The following EDIL3 variants were observed in gnomAD, a reference collection of about 807,000 sequenced individuals.
The protein encoded by EDIL3 is EGF-like repeat and discoidin I-like domain-containing protein 3.
Under a neutral mutation model 67.4 loss-of-function variants are expected in EDIL3, and 37 were observed. The ratio of observed to expected loss-of-function variants is 0.55; its 90% CI spans 0.42 to 0.72. EDIL3 has a LOEUF of 0.72. Among genes scored for constraint, EDIL3 ranks in the 30% least tolerant of loss-of-function variants. The probability of loss-of-function intolerance (pLI) is 0.00; values close to 1 mark genes in which losing one functional copy is unlikely to be tolerated. For synonymous variants in EDIL3, 195 were observed against 196.3 expected, an observed-to-expected ratio of 0.99 and a Z score of 0.05; for missense variants, 527 against 586.3, an observed-to-expected ratio of 0.90 and a Z score of 1.04.
chr5:84,182,269 A>T (rs897231955), intron 3 of EDIL3, among the ~76,000 whole-genome samples: 1 of 101,206 alleles, frequency 9.9e-6, no homozygotes, highest in Non-Finnish European at 2.3e-5. Context: ...TCTACAAAAA[A>T]TACACACACA....
intron 6 of EDIL3, among the ~76,000 whole-genome samples, chr5:84,096,685 G>C (rs1406965209): frequency 6.6e-6 from 1 of 152,162 alleles, no homozygotes. Flanking sequence ...CTGGGGGACT[G>C]TTGGGAAGGC....
intron 9 of EDIL3, among the ~76,000 whole-genome samples, chr5:84,030,048 C>A (rs4546359): frequency 0.37 from 56,502 of 151,094 alleles, 11,789 homozygotes; most frequent in African/African-American, 0.58. Flanking sequence ...TCATATATCT[C>A]TAAAGGTCAT....
chr5:84,022,762 G>C (rs1221846821), intron 9 of EDIL3, among the ~76,000 whole-genome samples: 1 of 151,896 alleles, frequency 6.6e-6, no homozygotes, highest in East Asian at 1.9e-4. Context: ...GAAGGTGTGA[G>C]GCTAGGAGAA....
intron 1 of EDIL3, among the ~76,000 whole-genome samples, chr5:84,311,188 T>C (rs1357498365): frequency 2.0e-5 from 3 of 152,158 alleles, no homozygotes; most frequent in Non-Finnish European, 4.4e-5. Context: ...TTATTTTTAA[T>C]TGCTTAGTTT....
At chr5:84,134,748 A>C (rs1323353111) in intron 5 of EDIL3, among the ~76,000 whole-genome samples, 1 of 151,926 alleles carries the variant, frequency 6.6e-6, no homozygotes, top group Non-Finnish European at 1.5e-5. Context: ...AAAAGCAAAC[A>C]CCCCAATAGG....
rs186157612 is a variant in EDIL3, at chr5:83,961,272, T to C, written c.1293+1933A>G. 2.4e-3 allele frequency among the ~76,000 whole-genome samples: 358 copies of C among 151,108 alleles called. 4 individuals are homozygous for C. The highest frequency in any genetic ancestry group is 0.016 in the Admixed American group (238 of 15,102). ...AGAAGAGACAAATCCATAATGACAG[T>C]TGAAAATTTCCACATTCCTTTCTCA... On this transcript the variant is annotated intron_variant, in intron 10 of 10. Coordinates refer to ENST00000296591, the MANE Select transcript of EDIL3 (RefSeq NM_005711.5).
rs558802432 is a variant in EDIL3, at chr5:84,054,931, A to G, written c.1137+5369T>C. 3.2e-4 allele frequency among the ~76,000 whole-genome samples: 47 copies of G among 146,154 alleles called. 5 individuals are homozygous for G. The highest frequency in any genetic ancestry group is 2.9e-3 in the Admixed American group (43 of 14,886). On this transcript the variant is annotated intron_variant, in intron 9 of 10. Coordinates refer to ENST00000296591, the MANE Select transcript of EDIL3 (RefSeq NM_005711.5). ...TGCCATCCCCATCAAGCTACCAATG[A>G]CTTTCTTCACAGAATTGGAAAAAAC...
intron 1 of EDIL3, among the ~76,000 whole-genome samples, chr5:84,310,970 T>A (rs1215348408): frequency 1.3e-5 from 2 of 152,154 alleles, no homozygotes; most frequent in Non-Finnish European, 2.9e-5. Context: ...ATGAATTGAA[T>A]GTATTCTATC....
chr5:84,186,594 T>C (rs1743455223), intron 3 of EDIL3, among the ~76,000 whole-genome samples: 1 of 152,040 alleles, frequency 6.6e-6, no homozygotes, highest in African/African-American at 2.4e-5. Flanking sequence ...TCCTGGAAAT[T>C]TAATTCTAGG....
At position 84,247,225 on chromosome 5, in the gene EDIL3, C is replaced by G. The variant is rs73142633; in HGVS notation, c.196+6859G>C. Among the ~76,000 whole-genome samples the G allele has an allele frequency of 3.3e-5, 5 of 152,080 alleles. No homozygotes were observed. In the East Asian group the frequency reaches 7.7e-4, roughly 24 times the overall value. ...AAGTAGAGGGGAAAATAAACCACCCCGACAACTACTCACAATTTCATCTAC... is the reference window on the plus strand; with the variant it reads ...AAGTAGAGGGGAAAATAAACCACCCGGACAACTACTCACAATTTCATCTAC... On this transcript the variant is annotated intron_variant, in intron 2 of 10. Transcript: ENST00000296591.
chr5:84,179,354 T>C (rs1012235405), intron 4 of EDIL3, among the ~76,000 whole-genome samples: 1 of 152,168 alleles, frequency 6.6e-6, no homozygotes, highest in South Asian at 2.1e-4. Flanking sequence ...GATCTGAGCT[T>C]TTAGGGACAA....
intron 9 of EDIL3, among the ~76,000 whole-genome samples, chr5:84,006,091 T>C (rs1255456509): frequency 6.7e-6 from 1 of 148,240 alleles, no homozygotes; most frequent in Non-Finnish European, 1.5e-5. Flanking sequence ...ATAATAATAA[T>C]AATAATAATA....
chr5:84,211,408 C>A (rs894237353), intron 3 of EDIL3, among the ~76,000 whole-genome samples: 1 of 152,214 alleles, frequency 6.6e-6, no homozygotes, highest in African/African-American at 2.4e-5. Flanking sequence ...GCTTCTTGTA[C>A]AACCTGCAGA....
chr5:84,296,786 G>C (rs1175612131), intron 1 of EDIL3, among the ~76,000 whole-genome samples: 1 of 152,132 alleles, frequency 6.6e-6, no homozygotes, highest in East Asian at 1.9e-4. Flanking sequence ...TCATTAGAGT[G>C]ATCAGACAAG....
intron 3 of EDIL3, among the ~76,000 whole-genome samples, chr5:84,195,781 T>G (rs2112372697): frequency 6.6e-6 from 1 of 152,128 alleles, no homozygotes; most frequent in Non-Finnish European, 1.5e-5. Context: ...GTAGGAATTC[T>G]ATTAAACTTG....
intron 6 of EDIL3, among the ~76,000 whole-genome samples, chr5:84,075,118 A>G (rs1245244485): frequency 6.6e-6 from 1 of 150,954 alleles, no homozygotes; most frequent in Non-Finnish European, 1.5e-5. Context: ...CAAACACCGC[A>G]TGTTCTCACT....
chr5:84,202,775 C>G (rs989928091), intron 3 of EDIL3, among the ~76,000 whole-genome samples: 1 of 152,094 alleles, frequency 6.6e-6, no homozygotes, highest in Non-Finnish European at 1.5e-5. Context: ...ATAGAGAAGA[C>G]AGAGAAGAGA....
intron 6 of EDIL3, among the ~76,000 whole-genome samples, chr5:84,070,759 C>T (rs185347713): frequency 5.3e-5 from 8 of 151,904 alleles, no homozygotes; most frequent in African/African-American, 1.9e-4. Flanking sequence ...ACTTAAGATG[C>T]CCTGGAACAG....
chr5:84,217,020 CT>C (rs1339076421), intron 3 of EDIL3, among the ~76,000 whole-genome samples: 1 of 152,022 alleles, frequency 6.6e-6, no homozygotes, highest in Non-Finnish European at 1.5e-5. Flanking sequence ...GGCATTTTAT[CT>C]TATCCATCCT....
Sources: allele counts gnomAD v4.1 joint callset (sites outside exome capture counted in the v4.1 genomes callset), GRCh38; gene constraint gnomAD v4.1.1; transcripts MANE v1.5; gene names NCBI Gene and HGNC (gene_info 2026-07-23, HGNC 2026-07-21).